The following EYS variants were observed in gnomAD, a reference collection of about 807,000 sequenced individuals.
The protein encoded by EYS is protein eyes shut homolog.
A neutral mutation model predicts 282.1 loss-of-function variants in EYS; 250 were observed. The ratio of observed to expected loss-of-function variants is 0.89; its 90% confidence interval spans 0.80 to 0.98. The LOEUF is 0.98. EYS is among the 50% of genes least tolerant of loss of function. EYS has a pLI of 0.00. For missense variants in EYS, 4,016 were observed against 3,709.0 expected (o/e 1.08, Z -2.15); for synonymous variants, 1,355 against 1,282.9 (o/e 1.06, Z -1.20).
chr6:64,957,199 A>T (rs566832269), intron 14 of EYS, among the ~76,000 whole-genome samples: 9 of 152,290 alleles, frequency 5.9e-5, no homozygotes, highest in Admixed American at 4.6e-4. Context: ...TAAATGGATT[A>T]AAAAAATGCA....
chr6:64,435,835 T>A (rs952999101), intron 28 of EYS, among the ~76,000 whole-genome samples: 1 of 151,900 alleles, frequency 6.6e-6, no homozygotes, highest in Non-Finnish European at 1.5e-5. Context: ...TTTCTGGAAG[T>A]GCCACATTTT....
intron 10 of EYS, among the ~76,000 whole-genome samples, chr6:65,338,512 A>G (rs1770077105): frequency 1.3e-5 from 2 of 151,128 alleles, no homozygotes; most frequent in Admixed American, 1.3e-4. Context: ...TTTTGGACTG[A>G]ATAGGGGTCG....
chr6:65,478,865 C>T (rs1013306362), intron 5 of EYS, among the ~76,000 whole-genome samples: 16 of 152,034 alleles, frequency 1.1e-4, no homozygotes, highest in African/African-American at 3.9e-4. Context: ...TTCAGATGAA[C>T]TCTCTCACTG....
chr6:64,697,963 CA>C (rs1372308427), intron 22 of EYS, among the ~76,000 whole-genome samples: 2 of 150,708 alleles, frequency 1.3e-5, no homozygotes, highest in East Asian at 2.0e-4. Context: ...CAAAAAAAAG[CA>C]AAAAAAATCA....
intron 12 of EYS, among the ~76,000 whole-genome samples, chr6:65,193,973 GA>G (rs1224070630): frequency 6.6e-6 from 1 of 151,810 alleles, no homozygotes; most frequent in Non-Finnish European, 1.5e-5. Context: ...TTGGTTTGGG[GA>G]AAAAATTGCC....
At chr6:65,185,343 C>A (rs1481542401) in intron 12 of EYS, among the ~76,000 whole-genome samples, 1 of 151,794 alleles carries the variant, frequency 6.6e-6, no homozygotes, top group Non-Finnish European at 1.5e-5. Flanking sequence ...AACACTCAGA[C>A]TCACATATTC....
At chr6:65,252,596 A>C (rs2150284037) in intron 12 of EYS, among the ~76,000 whole-genome samples, 1 of 152,156 alleles carries the variant, frequency 6.6e-6, no homozygotes, top group African/African-American at 2.4e-5. Flanking sequence ...GAAGAACCAG[A>C]AAAATATCAA....
intron 40 of EYS, among the ~76,000 whole-genome samples, chr6:63,765,819 T>A (rs981745828): frequency 6.6e-6 from 1 of 152,026 alleles, no homozygotes; most frequent in African/African-American, 2.4e-5. Flanking sequence ...CAGCCTCTAG[T>A]GACCATCCTT....
chr6:65,206,880 T>C (rs1037816715), intron 12 of EYS, among the ~76,000 whole-genome samples: 2 of 151,756 alleles, frequency 1.3e-5, no homozygotes, highest in Non-Finnish European at 3.0e-5. Context: ...TACATCAAAA[T>C]AATAAGAGCC....
rs1769814828 is a variant in EYS at position 65,332,037 on chromosome 6, A to G, written c.1766+2943T>C. The stretch of plus-strand genomic sequence containing the variant: ...TACTAGAAGTAGAATTGCTGGGTGT[A>G]AAGTGTTATCTCATTGTTTTGATTT... On this transcript the variant is annotated intron_variant, in intron 11 of 42. Coordinates refer to ENST00000503581, the MANE Select transcript of EYS (RefSeq NM_001142800.2). The G allele has an allele frequency of 2.6e-5, 6 of 226,822 alleles. No individual in the cohort carries two copies. In the South Asian group the frequency reaches 7.1e-4, roughly 27 times the overall value. 14.1% of individuals were successfully genotyped at this position (226,822 alleles called of 1,614,324 possible). A position where few individuals can be genotyped will look rare whatever the true frequency, so the allele number is the denominator to read the frequency against.
At chr6:64,997,119 T>G (rs1771289527) in intron 14 of EYS, among the ~76,000 whole-genome samples, 1 of 152,106 alleles carries the variant, frequency 6.6e-6, no homozygotes, top group South Asian at 2.1e-4. Context: ...GAATATGTAC[T>G]GAAGGGACAA....
intron 22 of EYS, among the ~76,000 whole-genome samples, chr6:64,764,479 G>C (rs1289625690): frequency 1.3e-5 from 2 of 152,196 alleles, no homozygotes; most frequent in African/African-American, 4.8e-5. Flanking sequence ...CAGGGCAATG[G>C]GGCCCTGGGC....
intron 26 of EYS, among the ~76,000 whole-genome samples, chr6:64,486,243 A>G (rs2349067): frequency 0.42 from 63,931 of 151,142 alleles, 14,244 homozygotes; most frequent in African/African-American, 0.59. Context: ...GTGGCTTTGC[A>G]AAATGACATA....
At chr6:63,932,187 T>G (rs999802135) in intron 35 of EYS, among the ~76,000 whole-genome samples, 7 of 152,264 alleles carry the variant, frequency 4.6e-5, no homozygotes, top group Non-Finnish European at 1.0e-4. Flanking sequence ...GGCCGAATAT[T>G]GTTCTATTGT....
chr6:64,649,216 A>T (rs1768463638), intron 22 of EYS, among the ~76,000 whole-genome samples: 1 of 152,208 alleles, frequency 6.6e-6, no homozygotes, highest in Non-Finnish European at 1.5e-5. Context: ...TTTTCCAGCA[A>T]CACACTCAAC....
rs148130246 is a variant in EYS, at chr6:63,910,023, C to T, written c.7056-45665G>A. 8.6e-5 allele frequency among the ~76,000 whole-genome samples: 13 copies of T among 152,004 alleles called. No homozygotes were observed. The East Asian group carries it at 1.9e-3, about 23-fold the overall frequency. ...AAGTGCAGTGAGCCAAGGATGGAAC[C>T]CCAAGGAATATTGTTGCTTAAGGGG... is the stretch of plus-strand genomic sequence containing the variant. On this transcript the variant is annotated intron_variant, in intron 35 of 42. Transcript: ENST00000503581.
At chr6:65,459,905 C>T (rs1764755555) in intron 5 of EYS, among the ~76,000 whole-genome samples, 1 of 145,152 alleles carries the variant, frequency 6.9e-6, no homozygotes, top group Non-Finnish European at 1.5e-5. Context: ...AGGATTACTA[C>T]TGTATCTTTT....
At chr6:64,791,599 G>A (rs1774193754) in intron 22 of EYS, among the ~76,000 whole-genome samples, 1 of 151,794 alleles carries the variant, frequency 6.6e-6, no homozygotes, top group African/African-American at 2.4e-5. Flanking sequence ...TTAGAAAAAG[G>A]CAGCATACAA....
In EYS at chr6:64,619,619, C is replaced by T. The variant is rs552383879; in HGVS notation, c.3569-2086G>A. Among the ~76,000 whole-genome samples, 6 of 152,188 alleles carry T rather than the reference C, an allele frequency of 3.9e-5. No individual in the cohort carries two copies. In the East Asian group the frequency reaches 5.8e-4, roughly 15 times the overall value. ...TGGGAAATAGGGGCACTATTTGTCT[C>T]GTTCCAGGGTTACATTTGTTTTGTT... On this transcript the variant is annotated intron_variant, in intron 23 of 42. Transcript: ENST00000503581.
Sources: gnomAD v4.1 joint callset for allele counts (sites outside exome capture counted in the v4.1 genomes callset) on GRCh38, gnomAD v4.1.1 for gene constraint, MANE v1.5 for transcripts, NCBI Gene and HGNC (gene_info 2026-07-23, HGNC 2026-07-21) for gene names.